The following LAMA2 variants were observed in gnomAD, a reference collection of about 807,000 sequenced individuals.
LAMA2 encodes the protein laminin subunit alpha-2.
A neutral mutation model predicts 364.8 loss-of-function variants in LAMA2; 269 were observed. The observed-to-expected ratio is 0.74, with a 90% confidence interval of 0.67 to 0.82. The LOEUF (loss-of-function observed/expected upper bound fraction) is 0.82, where lower values mean the gene tolerates loss of function less well. Among genes scored for constraint, LAMA2 ranks in the 40% least tolerant of loss-of-function variants. The probability of loss-of-function intolerance (pLI) is 0.00; values close to 1 mark genes in which losing one functional copy is unlikely to be tolerated. For synonymous variants in LAMA2, 1,379 were observed against 1,370.6 expected, an observed-to-expected ratio of 1.01 and a Z score of -0.14; for missense variants, 3,807 against 3,873.2, an observed-to-expected ratio of 0.98 and a Z score of 0.45.
At chr6:128,927,026 C>T (rs1779145358) in intron 1 of LAMA2, among the ~76,000 whole-genome samples, 1 of 152,150 alleles carries the variant, frequency 6.6e-6, no homozygotes, top group Non-Finnish European at 1.5e-5. Flanking sequence ...AACAGTGAAG[C>T]TGAGAGCTGC....
At chr6:129,304,255 G>GT (rs1467518794) in intron 22 of LAMA2, among the ~76,000 whole-genome samples, 2 of 151,866 alleles carry the variant, frequency 1.3e-5, no homozygotes, top group African/African-American at 2.4e-5. Context: ...TGTGTTCCAA[G>GT]TTTTTTTGTT....
rs1345712935 is a variant in LAMA2 at position 129,171,765 on chromosome 6, A to C, written c.1307-5941A>C. ...AGTTCTCCTGGATAATATCCTGCAG[A>C]GTGTTTTCCAACTTGGTTCCATTCT... On this transcript the variant is annotated intron_variant, in intron 9 of 64. Transcript: ENST00000421865. 6.9e-4 allele frequency among the ~76,000 whole-genome samples: 81 copies of C among 116,554 alleles called. 2 individuals carry two copies. The highest frequency in any genetic ancestry group is 6.4e-3 in the Admixed American group (69 of 10,700). 76.5% of individuals were successfully genotyped at this position (116,554 alleles called of 152,430 possible).
chr6:129,094,703 G>A (rs1266225699), intron 3 of LAMA2, among the ~76,000 whole-genome samples: 1 of 151,952 alleles, frequency 6.6e-6, no homozygotes, highest in African/African-American at 2.4e-5. Flanking sequence ...AAATCTCTAT[G>A]TTTTTATTTT....
chr6:128,912,284 G>T (rs947857463), intron 1 of LAMA2, among the ~76,000 whole-genome samples: 3 of 152,046 alleles, frequency 2.0e-5, no homozygotes, highest in African/African-American at 4.8e-5. Flanking sequence ...TATGTGTTTG[G>T]TAAGTTAATT....
intron 56 of LAMA2, among the ~76,000 whole-genome samples, chr6:129,491,608 T>C (rs1465381223): frequency 6.6e-6 from 1 of 152,212 alleles, no homozygotes; most frequent in Non-Finnish European, 1.5e-5. Flanking sequence ...GAAGCCTCAG[T>C]TCTCACAGGC....
chr6:128,915,658 A>T (rs1182933535), intron 1 of LAMA2, among the ~76,000 whole-genome samples: 1 of 152,202 alleles, frequency 6.6e-6, no homozygotes, highest in African/African-American at 2.4e-5. Context: ...TGTCTTATAT[A>T]ACTACACTCG....
intron 1 of LAMA2, among the ~76,000 whole-genome samples, chr6:128,905,210 T>C (rs1485011799): frequency 6.6e-6 from 1 of 152,184 alleles, no homozygotes. Flanking sequence ...AACTTCTACT[T>C]AGAGCCCTGA....
intron 34 of LAMA2, among the ~76,000 whole-genome samples, chr6:129,378,918 G>A (rs1418860432): frequency 1.3e-5 from 2 of 152,078 alleles, no homozygotes; most frequent in Admixed American, 1.3e-4. Context: ...TATAAATTTG[G>A]CATAACTATT....
rs563602475 is a variant in LAMA2 at position 128,982,889 on chromosome 6, A to G, written c.113-67029A>G. Among the ~76,000 whole-genome samples, 11 of 150,428 alleles carry G rather than the reference A, an allele frequency of 7.3e-5. No individual in the cohort carries two copies. In the East Asian group the frequency reaches 2.2e-3, roughly 30 times the overall value. ...TGGTTTTTTGTCCTTGTGATAGTTT[A>G]CTGAGAATGATGATTTCCAGTATCG... is the stretch of plus-strand genomic sequence containing the variant. On this transcript the variant is annotated intron_variant, in intron 1 of 64. Transcript: ENST00000421865.
At chr6:129,180,010 A>C (rs1391881182) in intron 10 of LAMA2, among the ~76,000 whole-genome samples, 1 of 151,702 alleles carries the variant, frequency 6.6e-6, no homozygotes, top group Non-Finnish European at 1.5e-5. Flanking sequence ...CAAAATATGC[A>C]TACAATTTAA....
rs971351957 is a variant in LAMA2 at position 129,192,621 on chromosome 6, A to G, written c.1609-59A>G. ...GTGGACACGACCAGGAACATGAAAG[A>G]GAAAAGCAGCTGATAGATATTTTTT... On this transcript the variant is annotated intron_variant, in intron 11 of 64. Coordinates refer to ENST00000421865, the MANE Select transcript of LAMA2 (RefSeq NM_000426.4). The G allele has an allele frequency of 2.0e-6, 3 of 1,509,510 alleles. No individual in the cohort carries two copies. The African/African-American group carries it at 4.1e-5, about 21-fold the overall frequency. 93.5% of individuals were successfully genotyped at this position (1,509,510 alleles called of 1,614,324 possible).
rs756707471 is a variant in LAMA2, at chr6:129,200,300, ATG to A, written c.1782+7453_1782+7454del. 7.3e-4 allele frequency among the ~76,000 whole-genome samples: 102 copies of A among 140,640 alleles called. 10 individuals carry two copies. The highest frequency in any genetic ancestry group is 1.4e-3 in the Admixed American group (20 of 14,490). 92.3% of individuals were successfully genotyped at this position (140,640 alleles called of 152,430 possible). A position where few individuals can be genotyped will look rare whatever the true frequency, so the allele number is the denominator to read the frequency against. On this transcript the variant is annotated intron_variant, in intron 12 of 64. Transcript: ENST00000421865. ...TATATATATACGTGTACACATATAC[ATG>A]TGTGTATATATATACGTGTACACAT... is the stretch of plus-strand genomic sequence containing the variant.
chr6:129,417,129 A>G (rs2326802), intron 40 of LAMA2, among the ~76,000 whole-genome samples: 75,365 of 151,800 alleles, frequency 0.5, 19,314 homozygotes, highest in African/African-American at 0.62. Flanking sequence ...GTGTGTTTCA[A>G]CCCTGTTTGT....
chr6:128,902,294 A>G (rs752061228), intron 1 of LAMA2, among the ~76,000 whole-genome samples: 1 of 152,228 alleles, frequency 6.6e-6, no homozygotes, highest in Non-Finnish European at 1.5e-5. Flanking sequence ...ACAGAATGCC[A>G]CTTTCCTATT....
chr6:129,478,662 T>G (rs1583845290), intron 53 of LAMA2, 31 bp from the exon 54 acceptor site: 3 of 1,611,472 alleles, frequency 1.9e-6, no homozygotes, highest in African/African-American at 1.3e-5. Context: ...CTAATGATAT[T>G]GCTTTTGCTT....
At chr6:128,897,885 C>T (rs1402328724) in intron 1 of LAMA2, among the ~76,000 whole-genome samples, 2 of 152,126 alleles carry the variant, frequency 1.3e-5, no homozygotes, top group African/African-American at 4.8e-5. Context: ...AGAAGTCCAG[C>T]AGTGTGGGCA....
At chr6:129,371,716 C>T (rs1778096205) in intron 34 of LAMA2, among the ~76,000 whole-genome samples, 1 of 150,056 alleles carries the variant, frequency 6.7e-6, no homozygotes, top group Admixed American at 6.7e-5. Context: ...AAGTGATTTT[C>T]CTGCCTCAGC....
At chr6:129,109,746 C>T (rs1776035122) in intron 4 of LAMA2, among the ~76,000 whole-genome samples, 1 of 152,096 alleles carries the variant, frequency 6.6e-6, no homozygotes, top group Admixed American at 6.5e-5. Context: ...CAGGTAAATA[C>T]ATTTTTGGTC....
intron 8 of LAMA2, 45 bp downstream of exon 8, chr6:129,154,728 T>C (rs770465565): frequency 6.7e-7 from 1 of 1,488,014 alleles, no homozygotes; most frequent in South Asian, 1.1e-5. Context: ...TTTTTGCTTT[T>C]TCATACAAAA....
Sources: allele counts gnomAD v4.1 joint callset (sites outside exome capture counted in the v4.1 genomes callset), GRCh38; gene constraint gnomAD v4.1.1; transcripts MANE v1.5; gene names NCBI Gene and HGNC (gene_info 2026-07-23, HGNC 2026-07-21).